COLGALT2: variants seen among roughly 807,000 people sequenced by gnomAD.
COLGALT2 encodes collagen beta(1-O)galactosyltransferase 2.
Under a neutral mutation model 73.4 loss-of-function variants are expected in COLGALT2, and 49 were observed. The ratio of observed to expected loss-of-function variants is 0.67; its 90% confidence interval spans 0.53 to 0.85. The LOEUF is 0.85. Among genes scored for constraint, COLGALT2 ranks in the 40% least tolerant of loss-of-function variants. The pLI, the probability that COLGALT2 is intolerant of heterozygous loss-of-function variation, is 0.00. For synonymous variants in COLGALT2, 295 were observed against 307.6 expected, an observed-to-expected ratio of 0.96 and a Z score of 0.43; for missense variants, 722 against 790.2, an observed-to-expected ratio of 0.91 and a Z score of 1.03.
downstream of COLGALT2, among the ~76,000 whole-genome samples, chr1:183,930,837 G>A (rs187838507): frequency 1.6e-3 from 243 of 151,802 alleles, no homozygotes; most frequent in Non-Finnish European, 1.6e-3. Context: ...TTGTAAGTCA[G>A]GTTAAAAAAA....
downstream of COLGALT2, among the ~76,000 whole-genome samples, chr1:183,933,353 C>A (rs540707904): frequency 6.6e-6 from 1 of 152,340 alleles, no homozygotes; most frequent in East Asian, 1.9e-4. Context: ...TCTTTCCTCT[C>A]CCCTCGGATT....
At chr1:183,979,485 G>A (rs1466527261) in intron 1 of COLGALT2, among the ~76,000 whole-genome samples, 1 of 152,010 alleles carries the variant, frequency 6.6e-6, no homozygotes, top group East Asian at 1.9e-4. Flanking sequence ...TATTACAGGG[G>A]TTGGCAAACT....
In COLGALT2 at chr1:184,019,368, C is replaced by T. The variant is rs74130994; in HGVS notation, c.263+17727G>A. Among the ~76,000 whole-genome samples the T allele has an allele frequency of 6.8e-4, 104 of 152,180 alleles. 2 individuals are homozygous for T. Among genetic ancestry groups the T allele is most frequent in the Non-Finnish European group, 7.4e-5 (5 of 68,002 alleles). On this transcript the variant is annotated intron_variant, in intron 1 of 11. Transcript: ENST00000361927. Reference sequence around the variant, plus strand: ...AGGACAGAGCTAATGGGTTTATGCACGAAACATAGCTCAAATATTGATTTA... The same window carrying T: ...AGGACAGAGCTAATGGGTTTATGCATGAAACATAGCTCAAATATTGATTTA...
At chr1:183,941,320 T>A (rs1475580228) in intron 10 of COLGALT2, among the ~76,000 whole-genome samples, 1 of 152,178 alleles carries the variant, frequency 6.6e-6, no homozygotes, top group Middle Eastern at 3.2e-3. Flanking sequence ...GGGTTCCTTT[T>A]GGGGAGGATG....
At chr1:184,026,903 T>C (rs1649349269) in intron 1 of COLGALT2, among the ~76,000 whole-genome samples, 1 of 152,198 alleles carries the variant, frequency 6.6e-6, no homozygotes, top group African/African-American at 2.4e-5. Context: ...TTTTTTCTTC[T>C]GCAATACTAA....
intron 1 of COLGALT2, among the ~76,000 whole-genome samples, chr1:184,014,490 A>G (rs1230721381): frequency 6.6e-6 from 1 of 152,168 alleles, no homozygotes; most frequent in African/African-American, 2.4e-5. Flanking sequence ...TGGAAACTTG[A>G]TTATGGAAAC....
chr1:183,987,282 AT>A (rs1391616794), intron 1 of COLGALT2, among the ~76,000 whole-genome samples: 1 of 152,060 alleles, frequency 6.6e-6, no homozygotes, highest in East Asian at 1.9e-4. Context: ...CCCACTCATC[AT>A]GGCCCCTTTT....
In COLGALT2 at chr1:184,037,603, G is replaced by A; in HGVS notation, c.-246C>T. ...TACCTGCAGCCGCTGGCGCTCCCCT[G>A]CGCCTCGGGCTCGCAGACAGTAGTG... is the stretch of plus-strand genomic sequence containing the variant. On this transcript the variant is annotated 5_prime_UTR_variant, in exon 1 of 12. Transcript: ENST00000361927. 1 of 1,077,550 alleles carries A rather than the reference G, an allele frequency of 9.3e-7. No homozygotes were observed. 66.7% of individuals were successfully genotyped at this position (1,077,550 alleles called of 1,614,324 possible).
Position 183,945,555 on chromosome 1 carries a change from G to A in COLGALT2, c.1146C>T (p.Asn382=). 6.2e-7 allele frequency: 1 copy of A among 1,614,142 alleles called. No individual in the cohort carries two copies. Among genetic ancestry groups the A allele is most frequent in the Non-Finnish European group, 8.5e-7 (1 of 1,180,022 alleles). ...IVEAVDGKAL[N]TSQLKALNIE... ...TATTCAGTGCCTTCAGCTGGCTTGT[G>A]TTGAGTGCCCTGCATCACATAAAAC... Residue 382 remains asparagine (N), a synonymous_variant, in exon 9 of 12, where the codon AAC becomes AAT. Coordinates refer to ENST00000361927, the MANE Select transcript of COLGALT2 (RefSeq NM_015101.4).
At chr1:184,012,100 A>G (rs983124355) in intron 1 of COLGALT2, among the ~76,000 whole-genome samples, 4 of 152,240 alleles carry the variant, frequency 2.6e-5, no homozygotes, top group Non-Finnish European at 5.9e-5. Context: ...AAAAGAGAAT[A>G]GAGTTTTCCC....
chr1:183,930,502 C>T (rs919453692), intron 11 of COLGALT2, among the ~76,000 whole-genome samples: 10 of 151,996 alleles, frequency 6.6e-5, no homozygotes, highest in African/African-American at 2.4e-4. Context: ...GATTCTCCAA[C>T]CTCAGCCTCA....
chr1:183,996,821 G>A (rs1671781730), intron 1 of COLGALT2, among the ~76,000 whole-genome samples: 1 of 152,234 alleles, frequency 6.6e-6, no homozygotes, highest in South Asian at 2.1e-4. Flanking sequence ...TACATGGGTT[G>A]AGGAAATGAC....
chr1:183,937,304 T>G lies in COLGALT2; in HGVS notation c.*1457A>C. 9.2e-7 allele frequency: 1 copy of G among 1,088,468 alleles called. No individual in the cohort carries two copies. Among genetic ancestry groups the G allele is most frequent in the Non-Finnish European group, 1.1e-6 (1 of 897,428 alleles). The allele number at this position is 1,088,468 out of a possible 1,614,324, so 67.4% of individuals were successfully genotyped here. ...GGAGGGTTTTTCTGGAGACAAAAAT[T>G]TACAGATTGAGGGCATGAGAACATA... is the stretch of plus-strand genomic sequence containing the variant. On this transcript the variant is annotated 3_prime_UTR_variant, in exon 12 of 12. Coordinates refer to ENST00000361927, the MANE Select transcript of COLGALT2 (RefSeq NM_015101.4).
At chr1:183,963,492 T>A (rs895933603) in intron 6 of COLGALT2, among the ~76,000 whole-genome samples, 1 of 152,196 alleles carries the variant, frequency 6.6e-6, no homozygotes, top group African/African-American at 2.4e-5. Context: ...TTAGCCTTTT[T>A]ACATATACCA....
chr1:183,936,340 G>C lies in COLGALT2; in HGVS notation c.*2421C>G, dbSNP rs1256629462. ...AAAAAAGTCACATCTGCGGCTCACAGTGTTCACCAGAAAAGAACACTGCTT... is the reference window on the plus strand; with the variant it reads ...AAAAAAGTCACATCTGCGGCTCACACTGTTCACCAGAAAAGAACACTGCTT... On this transcript the variant is annotated 3_prime_UTR_variant, in exon 12 of 12. Coordinates refer to ENST00000361927, the MANE Select transcript of COLGALT2 (RefSeq NM_015101.4). The C allele has an allele frequency of 1.0e-6, 1 of 976,600 alleles. No individual in the cohort carries two copies. The highest frequency in any genetic ancestry group is 1.2e-6 in the Non-Finnish European group (1 of 825,102). The allele number at this position is 976,600 out of a possible 1,614,324, so 60.5% of individuals were successfully genotyped here.
intron 6 of COLGALT2, among the ~76,000 whole-genome samples, chr1:183,958,596 A>G (rs1670614005): frequency 6.6e-6 from 1 of 151,664 alleles, no homozygotes; most frequent in African/African-American, 2.4e-5. Flanking sequence ...GAAAATATTC[A>G]AAATCAAATT....
chr1:183,969,973 G>T (rs1178650306), intron 4 of COLGALT2, among the ~76,000 whole-genome samples: 1 of 152,148 alleles, frequency 6.6e-6, no homozygotes, highest in Non-Finnish European at 1.5e-5. Flanking sequence ...ATTTAAGTAA[G>T]GTAGAACCTG....
chr1:183,942,165 G>T (rs1429248565), intron 10 of COLGALT2, among the ~76,000 whole-genome samples: 2 of 151,978 alleles, frequency 1.3e-5, no homozygotes, highest in African/African-American at 4.8e-5. Context: ...AGCCAGGATG[G>T]TCTCGATCTC....
chr1:184,032,929 T>A (rs2102863762), intron 1 of COLGALT2, among the ~76,000 whole-genome samples: 1 of 152,356 alleles, frequency 6.6e-6, no homozygotes, highest in East Asian at 1.9e-4. Context: ...TGCAAAATGT[T>A]AGGACCATCC....
Sources: gnomAD v4.1 joint callset for allele counts (sites outside exome capture counted in the v4.1 genomes callset) on GRCh38, gnomAD v4.1.1 for gene constraint, MANE v1.5 for transcripts, NCBI Gene and HGNC (gene_info 2026-07-23, HGNC 2026-07-21) for gene names.